The following TANK variants were observed in gnomAD, a reference collection of about 807,000 sequenced individuals.
TANK encodes TRAF family member associated NFKB activator.
A neutral mutation model predicts 43.6 loss-of-function variants in TANK; 15 were observed. The ratio of observed to expected loss-of-function variants is 0.34; its 90% CI spans 0.23 to 0.53. The LOEUF (loss-of-function observed/expected upper bound fraction) is 0.53. TANK is among the 20% of genes least tolerant of loss of function. The probability of loss-of-function intolerance (pLI) is 0.94; values close to 1 mark genes in which losing one functional copy is unlikely to be tolerated. For missense variants in TANK, 417 were observed against 498.6 expected (o/e 0.84, Z 1.56); for synonymous variants, 162 against 178.2 (o/e 0.91, Z 0.73).
At chr2:161,142,095 T>C (rs1381723308) in intron 1 of TANK, among the ~76,000 whole-genome samples, 1 of 152,232 alleles carries the variant, frequency 6.6e-6, no homozygotes, top group Non-Finnish European at 1.5e-5. Context: ...TTGAGCTTTT[T>C]TCCATATGTT....
At chr2:161,234,328 C>T (rs1688067510) in intron 7 of TANK, among the ~76,000 whole-genome samples, 1 of 152,108 alleles carries the variant, frequency 6.6e-6, no homozygotes, top group Non-Finnish European at 1.5e-5. Flanking sequence ...TAAGGGGTCT[C>T]TTTAAATTTG....
intron 4 of TANK, among the ~76,000 whole-genome samples, chr2:161,211,352 G>A (rs980718099): frequency 2.6e-5 from 4 of 152,076 alleles, no homozygotes; most frequent in African/African-American, 9.7e-5. Context: ...TCTGAGTTTT[G>A]GGCCCCTGTA....
intron 7 of TANK, among the ~76,000 whole-genome samples, chr2:161,232,331 G>A (rs892760711): frequency 7.2e-5 from 11 of 152,118 alleles, no homozygotes; most frequent in Non-Finnish European, 1.2e-4. Context: ...AATACAGATT[G>A]ATGTAAATGT....
rs1020189541 is a variant in TANK, at chr2:161,212,054, A to C, written c.327+7261A>C. On this transcript the variant is annotated intron_variant, in intron 4 of 7. Transcript: ENST00000392749. ...GTTCAGTTTTTTCCAAAGAGTCATA[A>C]TACATAAACTTTTTTTTTTTTTTTG... 1.8e-5 allele frequency: 15 copies of C among 826,526 alleles called. 1 individual carries two copies. The South Asian group carries it at 7.3e-4, about 40-fold the overall frequency. 51.2% of individuals were successfully genotyped at this position (826,526 alleles called of 1,614,324 possible).
intron 1 of TANK, among the ~76,000 whole-genome samples, chr2:161,170,904 T>C (rs1357277073): frequency 6.6e-6 from 1 of 152,256 alleles, no homozygotes; most frequent in Non-Finnish European, 1.5e-5. Flanking sequence ...TTAGAGTATC[T>C]GATCTAAATT....
intron 2 of TANK, 124 bp downstream of exon 2, chr2:161,179,885 G>A (rs1685343384): frequency 4.4e-6 from 6 of 1,349,978 alleles, no homozygotes; most frequent in African/African-American, 1.5e-5. Context: ...CAGAAATGCA[G>A]GTATATATTA....
intron 1 of TANK, among the ~76,000 whole-genome samples, chr2:161,173,364 C>T (rs1041764331): frequency 6.6e-6 from 1 of 152,180 alleles, no homozygotes; most frequent in Non-Finnish European, 1.5e-5. Flanking sequence ...AATGAATGTA[C>T]TTTGCCCACT....
rs1297188014 is a variant in TANK, at chr2:161,155,254, G to T, written c.-50+18191G>T. On this transcript the variant is annotated intron_variant, in intron 1 of 7. Transcript: ENST00000259075. ...GCATATTTGTTGCTGTAATCAGAAA[G>T]TTGTGACCATATTATTATTATTAAA... Among the ~76,000 whole-genome samples the T allele has an allele frequency of 3.9e-5, 6 of 152,018 alleles. 1 individual carries two copies. The highest frequency in any genetic ancestry group is 8.8e-5 in the Non-Finnish European group (6 of 67,998).
chr2:161,196,550 T>C (rs566315735), intron 2 of TANK, among the ~76,000 whole-genome samples: 6 of 152,172 alleles, frequency 3.9e-5, no homozygotes, highest in African/African-American at 1.2e-4. Context: ...TCTTAATAAT[T>C]AAGATTAAAA....
intron 1 of TANK, chr2:161,162,601 T>C (rs1684494279): frequency 6.6e-6 from 1 of 152,118 alleles, no homozygotes; most frequent in African/African-American, 2.4e-5. Context: ...ATCTTGTTTC[T>C]TAGTTTGGGG....
At chr2:161,213,502 C>G (rs1159213973) in intron 4 of TANK, among the ~76,000 whole-genome samples, 2 of 151,260 alleles carry the variant, frequency 1.3e-5, no homozygotes, top group Non-Finnish European at 2.9e-5. Context: ...ACTCTGGAGG[C>G]TGAGGCAGGA....
At chr2:161,199,710 G>A (rs1167441000) in intron 2 of TANK, among the ~76,000 whole-genome samples, 1 of 152,108 alleles carries the variant, frequency 6.6e-6, no homozygotes, top group African/African-American at 2.4e-5. Context: ...GATCACCAGT[G>A]TTTTAAGTTT....
At chr2:161,201,098 G>C (rs1438009957) in intron 2 of TANK, 1 of 985,124 alleles carries the variant, frequency 1.0e-6, no homozygotes, top group Non-Finnish European at 1.2e-6. Context: ...GAAAAGTGTA[G>C]GAGGAAAACA....
chr2:161,151,101 A>G (rs1006051081), intron 1 of TANK, among the ~76,000 whole-genome samples: 4 of 152,122 alleles, frequency 2.6e-5, no homozygotes, highest in Middle Eastern at 3.2e-3. Context: ...TTTTCCTTGT[A>G]TTAACTTCTA....
At chr2:161,153,190 T>C (rs1684126384) in intron 1 of TANK, among the ~76,000 whole-genome samples, 1 of 152,052 alleles carries the variant, frequency 6.6e-6, no homozygotes, top group Non-Finnish European at 1.5e-5. Flanking sequence ...TTTTATAATT[T>C]ATATCATGTT....
intron 1 of TANK, among the ~76,000 whole-genome samples, chr2:161,167,811 A>G (rs968914114): frequency 6.6e-6 from 1 of 151,912 alleles, no homozygotes; most frequent in Non-Finnish European, 1.5e-5. Context: ...TTTTTAGTAG[A>G]GACAGGGTTT....
chr2:161,209,283 A>G (rs900404879), intron 4 of TANK, among the ~76,000 whole-genome samples: 4 of 152,236 alleles, frequency 2.6e-5, no homozygotes, highest in Non-Finnish European at 4.4e-5. Flanking sequence ...CAGATAGGAA[A>G]TCAGATAACA....
intron 1 of TANK, among the ~76,000 whole-genome samples, chr2:161,148,078 T>C (rs1260862988): frequency 6.6e-6 from 1 of 152,200 alleles, no homozygotes. Context: ...ATTCTATGTT[T>C]AGCATTTTAA....
intron 4 of TANK, chr2:161,222,821 A>G (rs766691405): frequency 9.2e-5 from 14 of 152,070 alleles, no homozygotes; most frequent in Admixed American, 2.0e-4. Flanking sequence ...TAATTCTGAG[A>G]TACTATAAAA....
Sources: gnomAD v4.1 joint callset for allele counts (sites outside exome capture counted in the v4.1 genomes callset) on GRCh38, gnomAD v4.1.1 for gene constraint, MANE v1.5 for transcripts, NCBI Gene and HGNC (gene_info 2026-07-23, HGNC 2026-07-21) for gene names.